The following NCOA2 variants were observed in gnomAD, a reference collection of about 807,000 sequenced individuals.
NCOA2 encodes nuclear receptor coactivator 2, also known as class E basic helix-loop-helix protein 75.
In NCOA2, 21 loss-of-function variants were observed where a neutral mutation model predicts 145.1. The ratio of observed to expected loss-of-function variants is 0.14; its 90% CI spans 0.10 to 0.21. The LOEUF (loss-of-function observed/expected upper bound fraction) is 0.21. NCOA2 is among the 10% of genes least tolerant of loss of function. The pLI, the probability that NCOA2 is intolerant of heterozygous loss-of-function variation, is 1.00. For missense variants in NCOA2, 1,472 were observed against 1,837.6 expected, an observed-to-expected ratio of 0.80 and a Z score of 3.64; for synonymous variants, 619 against 637.5, an observed-to-expected ratio of 0.97 and a Z score of 0.44.
chr8:70,148,085 G>T (rs555865641), intron 12 of NCOA2, among the ~76,000 whole-genome samples, 188 bp downstream of exon 12: 1 of 152,304 alleles, frequency 6.6e-6, no homozygotes, highest in East Asian at 1.9e-4. Flanking sequence ...ACAAGAGAAT[G>T]TGAGAGAACC....
intron 20 of NCOA2, 78 bp downstream of exon 20, chr8:70,124,610 C>A (rs967897201): frequency 2.2e-6 from 3 of 1,377,940 alleles, no homozygotes; most frequent in Non-Finnish European, 9.8e-7. Flanking sequence ...GAAAGCTCCT[C>A]GGGTGCAGGC....
At chr8:70,385,208 T>C (rs111901462) in intron 1 of NCOA2, among the ~76,000 whole-genome samples, 388 of 152,220 alleles carry the variant, frequency 2.5e-3, no homozygotes, top group Non-Finnish European at 3.9e-3. Flanking sequence ...TGAATTATAA[T>C]ACCAAATAAC....
At chr8:70,277,483 CT>C (rs1479557573) in intron 2 of NCOA2, among the ~76,000 whole-genome samples, 1 of 152,052 alleles carries the variant, frequency 6.6e-6, no homozygotes, top group African/African-American at 2.4e-5. Flanking sequence ...AATCCTGAAA[CT>C]TTTTTAAAAA....
intron 1 of NCOA2, among the ~76,000 whole-genome samples, chr8:70,401,541 A>G (rs2131822778): frequency 6.6e-6 from 1 of 152,250 alleles, no homozygotes; most frequent in African/African-American, 2.4e-5. Flanking sequence ...GCATACCATA[A>G]ACCACAACTT....
intron 1 of NCOA2, among the ~76,000 whole-genome samples, chr8:70,319,327 A>G (rs562248870): frequency 2.0e-5 from 3 of 152,186 alleles, no homozygotes; most frequent in South Asian, 4.1e-4. Context: ...AGGTCGCTTG[A>G]GCCCAAGGGT....
intron 2 of NCOA2, among the ~76,000 whole-genome samples, chr8:70,232,869 T>TCACACACACACACACACA (rs1240903830): frequency 1.9e-4 from 3 of 15,964 alleles, no homozygotes; most frequent in Non-Finnish European, 4.3e-4. Flanking sequence ...GATTTAGAAT[T>TCACACACACACACACACA]TACACACACA....
intron 10 of NCOA2, among the ~76,000 whole-genome samples, chr8:70,159,221 A>ATTTT (rs1228649683): frequency 3.8e-5 from 1 of 26,586 alleles, no homozygotes; most frequent in Non-Finnish European, 8.9e-5. Context: ...ACAGTATAAC[A>ATTTT]TTATATATAT....
chr8:70,186,073 T>C (rs760530571), intron 4 of NCOA2, among the ~76,000 whole-genome samples: 1 of 151,966 alleles, frequency 6.6e-6, no homozygotes, highest in South Asian at 2.1e-4. Context: ...ACATACACAC[T>C]CTCTCACTCT....
chr8:70,226,135 G>T (rs1244444229), intron 2 of NCOA2, among the ~76,000 whole-genome samples: 1 of 151,872 alleles, frequency 6.6e-6, no homozygotes, highest in Non-Finnish European at 1.5e-5. Flanking sequence ...AAACAGAAAA[G>T]TTATCAAAAT....
intron 2 of NCOA2, among the ~76,000 whole-genome samples, chr8:70,257,848 C>G (rs1484546201): frequency 3.3e-5 from 5 of 151,890 alleles, no homozygotes; most frequent in Admixed American, 6.6e-5. Flanking sequence ...TCTGCGTCTC[C>G]CTGTCACTGA....
rs1469679176 is a variant in NCOA2, at chr8:70,110,918, CTGAT to C, written c.*2710_*2713del. 9.0e-6 allele frequency: 2 copies of C among 221,504 alleles called. No homozygotes were observed. Among genetic ancestry groups the C allele is most frequent in the East Asian group, 6.7e-5 (1 of 15,000 alleles). 13.7% of individuals were successfully genotyped at this position (221,504 alleles called of 1,614,324 possible). On this transcript the variant is annotated 3_prime_UTR_variant, in exon 23 of 23. Coordinates refer to ENST00000452400, the MANE Select transcript of NCOA2 (RefSeq NM_006540.4). ...CACATTTAGTAATATAAGTGAAACA[CTGAT>C]TATTTGTTCTATTAAACAAAAACCA... is the stretch of plus-strand genomic sequence containing the variant.
intron 1 of NCOA2, among the ~76,000 whole-genome samples, chr8:70,325,208 G>A (rs528577371): frequency 7.4e-4 from 113 of 152,092 alleles, no homozygotes; most frequent in African/African-American, 2.4e-3. Flanking sequence ...ACAAATCTTC[G>A]TCTGGTTATA....
At chr8:70,157,705 C>T (rs1812444077) in intron 10 of NCOA2, among the ~76,000 whole-genome samples, 1 of 152,138 alleles carries the variant, frequency 6.6e-6, no homozygotes, top group Admixed American at 6.5e-5. Context: ...TCAAGATAAA[C>T]ACGCTTAGGG....
intron 1 of NCOA2, among the ~76,000 whole-genome samples, chr8:70,340,706 T>C (rs1003722482): frequency 6.6e-6 from 1 of 151,850 alleles, no homozygotes; most frequent in African/African-American, 2.4e-5. Context: ...ATAGACTGGA[T>C]AAAGAAAATA....
chr8:70,355,205 A>T (rs1401230653), intron 1 of NCOA2, among the ~76,000 whole-genome samples: 1 of 152,244 alleles, frequency 6.6e-6, no homozygotes, highest in East Asian at 1.9e-4. Context: ...TGAAGAACAC[A>T]GAAGAACATT....
chr8:70,454,312 G>A, the NCOA2 span, among the ~76,000 whole-genome samples: 1 of 152,120 alleles, frequency 6.6e-6, no homozygotes, highest in East Asian at 1.9e-4. Flanking sequence ...ATGACAGCTC[G>A]GCAGCTCTGA....
chr8:70,168,293 G>A (rs1489553337), intron 6 of NCOA2, among the ~76,000 whole-genome samples: 1 of 152,170 alleles, frequency 6.6e-6, no homozygotes, highest in Admixed American at 6.5e-5. Flanking sequence ...AGACATTTGG[G>A]AAGTTTATTT....
intron 1 of NCOA2, among the ~76,000 whole-genome samples, chr8:70,364,494 A>T (rs1377207480): frequency 6.6e-6 from 1 of 152,182 alleles, no homozygotes; most frequent in African/African-American, 2.4e-5. Context: ...GCGTCGAGGA[A>T]CCTTGCAGAA....
At chr8:70,340,121 A>G (rs1250876973) in intron 1 of NCOA2, among the ~76,000 whole-genome samples, 1 of 152,246 alleles carries the variant, frequency 6.6e-6, no homozygotes, top group Non-Finnish European at 1.5e-5. Context: ...GCTTCTGCAC[A>G]GAAAAAGAAA....
Sources: gnomAD v4.1 joint callset for allele counts (sites outside exome capture counted in the v4.1 genomes callset) on GRCh38, gnomAD v4.1.1 for gene constraint, MANE v1.5 for transcripts, NCBI Gene and HGNC (gene_info 2026-07-23, HGNC 2026-07-21) for gene names.